The following IGSF21 variants were observed in gnomAD, a reference collection of about 807,000 sequenced individuals.
IGSF21 encodes the protein immunoglobulin superfamily member 21.
IGSF21 carries 28 observed loss-of-function variants against 46.8 expected under a neutral mutation model. The observed-to-expected ratio is 0.60, with a 90% CI of 0.44 to 0.82. The LOEUF is 0.82. Among genes scored for constraint, IGSF21 ranks in the 40% least tolerant of loss-of-function variants. The pLI is 0.00. For synonymous variants in IGSF21, 284 were observed against 273.6 expected (o/e 1.04, Z -0.38); for missense variants, 624 against 665.5 (o/e 0.94, Z 0.69).
intron 1 of IGSF21, among the ~76,000 whole-genome samples, chr1:18,212,099 G>C (rs1317125719): frequency 6.6e-6 from 1 of 152,266 alleles, no homozygotes; most frequent in Non-Finnish European, 1.5e-5. Context: ...CAGGGAGCTG[G>C]AGCATGGCAG....
intron 4 of IGSF21, among the ~76,000 whole-genome samples, chr1:18,341,013 T>TCTTCTTCTTCTC (rs2085831093): frequency 2.6e-4 from 5 of 19,026 alleles, no homozygotes; most frequent in Non-Finnish European, 4.7e-4. Flanking sequence ...CTCCTTCTTC[T>TCTTCTTCTTCTC]CTTCTTCTTC....
chr1:18,337,605 G>A lies in IGSF21; in HGVS notation c.424+2595G>A, dbSNP rs916595577. On this transcript the variant is annotated intron_variant, in intron 4 of 9. Transcript: ENST00000251296. The surrounding 1 kb of genome is among the most constrained non-coding windows in gnomAD (Gnocchi z 5.7). ...ACCGTGGCAACCTGGAAGCCAGGGT[G>A]TGTCTCTGGGAGTGGCAGAGACAGG... Among the ~76,000 whole-genome samples the A allele has an allele frequency of 6.6e-6, 1 of 151,492 alleles. No individual in the cohort carries two copies. Among genetic ancestry groups the A allele is most frequent in the East Asian group, 2.0e-4 (1 of 5,036 alleles).
intron 6 of IGSF21, among the ~76,000 whole-genome samples, chr1:18,372,091 A>G (rs763241635): frequency 2.0e-4 from 31 of 152,222 alleles, no homozygotes; most frequent in Non-Finnish European, 3.7e-4. Flanking sequence ...GCGCATTCCC[A>G]TCACCCACTA....
At chr1:18,252,558 A>T (rs959087139) in intron 2 of IGSF21, among the ~76,000 whole-genome samples, 3 of 152,168 alleles carry the variant, frequency 2.0e-5, no homozygotes, top group Non-Finnish European at 4.4e-5. Flanking sequence ...CTATGAAGTC[A>T]AGTGATTTCC....
intron 1 of IGSF21, among the ~76,000 whole-genome samples, chr1:18,210,770 G>A (rs2084383616): frequency 6.6e-6 from 1 of 152,150 alleles, no homozygotes; most frequent in Admixed American, 6.5e-5. Flanking sequence ...AGTTGTGATA[G>A]CAGAAAATGT....
At chr1:18,139,817 G>A (rs1377324240) in intron 1 of IGSF21, among the ~76,000 whole-genome samples, 1 of 152,174 alleles carries the variant, frequency 6.6e-6, no homozygotes, top group African/African-American at 2.4e-5. Context: ...CTCATTGCCT[G>A]AGGCAGCATC....
At chr1:18,264,383 C>T (rs896322384) in intron 2 of IGSF21, among the ~76,000 whole-genome samples, 1 of 152,156 alleles carries the variant, frequency 6.6e-6, no homozygotes. Flanking sequence ...AAGTGCCCAA[C>T]TCATGTTTAT....
chr1:18,246,145 C>T (rs2084781143), intron 2 of IGSF21, among the ~76,000 whole-genome samples: 1 of 152,148 alleles, frequency 6.6e-6, no homozygotes, highest in African/African-American at 2.4e-5. Flanking sequence ...AGCATCCCAG[C>T]TCTGGGGGGT....
chr1:18,108,210 G>C lies in IGSF21; in HGVS notation c.70+12G>C. 1.5e-6 allele frequency: 2 copies of C among 1,379,230 alleles called. No individual in the cohort carries two copies. Among genetic ancestry groups the C allele is most frequent in the Non-Finnish European group, 1.9e-6 (2 of 1,068,600 alleles). 85.4% of individuals were successfully genotyped at this position (1,379,230 alleles called of 1,614,324 possible). On this transcript the variant is annotated intron_variant, in intron 1 of 9. Transcript: ENST00000251296. Reference sequence around the variant, plus strand: ...GGACCTGGCGCGCGGTGAGTGCGCGGGCGCCTGGCGGGAGCCGAGCGGTGA... The same window carrying C: ...GGACCTGGCGCGCGGTGAGTGCGCGCGCGCCTGGCGGGAGCCGAGCGGTGA...
intron 1 of IGSF21, among the ~76,000 whole-genome samples, chr1:18,207,144 T>C (rs1303859436): frequency 6.6e-6 from 1 of 152,226 alleles, no homozygotes; most frequent in Non-Finnish European, 1.5e-5. Flanking sequence ...ATTGTCACTC[T>C]CTTCTCCTGT....
intron 4 of IGSF21, among the ~76,000 whole-genome samples, chr1:18,353,321 G>A (rs998351755): frequency 6.6e-6 from 1 of 151,922 alleles, no homozygotes; most frequent in African/African-American, 2.4e-5. Flanking sequence ...TGGGGCTGGA[G>A]ATTTCAGCCC....
chr1:18,220,320 A>T (rs1247014510), intron 1 of IGSF21, among the ~76,000 whole-genome samples: 2 of 152,000 alleles, frequency 1.3e-5, no homozygotes, highest in African/African-American at 4.8e-5. Flanking sequence ...AGGCTGTTGG[A>T]TACTCCAAGC....
chr1:18,243,146 T>G (rs2084749851), intron 2 of IGSF21, among the ~76,000 whole-genome samples: 1 of 152,146 alleles, frequency 6.6e-6, no homozygotes, highest in Non-Finnish European at 1.5e-5. Context: ...TCAAGAAATT[T>G]TAAACACAAA....
chr1:18,340,236 CA>C (rs1278757149), intron 4 of IGSF21, among the ~76,000 whole-genome samples: 3 of 150,798 alleles, frequency 2.0e-5, no homozygotes, highest in African/African-American at 4.9e-5. Flanking sequence ...ACCAAACAAA[CA>C]AAAAACTGGT....
At chr1:18,325,520 T>C (rs769981419) in intron 3 of IGSF21, among the ~76,000 whole-genome samples, 11 of 152,144 alleles carry the variant, frequency 7.2e-5, no homozygotes, top group Non-Finnish European at 1.2e-4. Flanking sequence ...GATTCTGCCA[T>C]GCCTCTTTCC....
intron 1 of IGSF21, among the ~76,000 whole-genome samples, chr1:18,153,798 C>G (rs2086543107): frequency 6.6e-6 from 1 of 152,114 alleles, no homozygotes; most frequent in Non-Finnish European, 1.5e-5. Flanking sequence ...TGCATGCTGT[C>G]CCCGATTCCC....
chr1:18,213,437 A>G (rs759271457), intron 1 of IGSF21, among the ~76,000 whole-genome samples: 4 of 152,022 alleles, frequency 2.6e-5, no homozygotes, highest in Non-Finnish European at 5.9e-5. Context: ...TCATCCTTTC[A>G]TCTTATGATC....
At chr1:18,298,842 C>T (rs574097200) in intron 3 of IGSF21, among the ~76,000 whole-genome samples, 3 of 152,330 alleles carry the variant, frequency 2.0e-5, no homozygotes, top group South Asian at 2.1e-4. Flanking sequence ...TCTCCCTTCA[C>T]GCCCGTTGGC....
intron 1 of IGSF21, among the ~76,000 whole-genome samples, chr1:18,221,489 G>T (rs944425695): frequency 1.4e-4 from 22 of 152,126 alleles, no homozygotes; most frequent in Non-Finnish European, 8.8e-5. Flanking sequence ...GGGAAAGGGC[G>T]GGGAGTGATG....
Sources: allele counts gnomAD v4.1 joint callset (sites outside exome capture counted in the v4.1 genomes callset), GRCh38; gene constraint gnomAD v4.1.1; non-coding constraint Gnocchi (gnomAD v3.1); transcripts MANE v1.5; gene names NCBI Gene and HGNC (gene_info 2026-07-23, HGNC 2026-07-21).